The following G3BP2 variants were observed in gnomAD, a reference collection of about 807,000 sequenced individuals.
G3BP2 encodes the protein ras GTPase-activating protein-binding protein 2.
A neutral mutation model predicts 56.7 loss-of-function variants in G3BP2; 11 were observed. The observed-to-expected ratio is 0.19, with a 90% CI of 0.12 to 0.32. The LOEUF (loss-of-function observed/expected upper bound fraction) is 0.32. G3BP2 is among the 10% of genes least tolerant of loss of function. The pLI is 1.00. For missense variants in G3BP2, 340 were observed against 610.9 expected, an observed-to-expected ratio of 0.56 and a Z score of 4.67; for synonymous variants, 165 against 191.6, an observed-to-expected ratio of 0.86 and a Z score of 1.15.
Position 75,645,402 on chromosome 4 carries a change from C to A in G3BP2, c.*28G>T. On this transcript the variant is annotated 3_prime_UTR_variant, in exon 12 of 12. Coordinates refer to ENST00000359707, the MANE Select transcript of G3BP2 (RefSeq NM_203505.3). ...TGCAAACACGATGAATAATGTACCACTGCCAAGACTTTGCCAACAGTGGAG... is the reference window on the plus strand; with the variant it reads ...TGCAAACACGATGAATAATGTACCAATGCCAAGACTTTGCCAACAGTGGAG... 6.3e-7 allele frequency: 1 copy of A among 1,599,684 alleles called. No individual in the cohort carries two copies. Among genetic ancestry groups the A allele is most frequent in the Admixed American group, 1.7e-5 (1 of 57,706 alleles).
rs183185164 is a variant in G3BP2 at position 75,660,905 on chromosome 4, T to C, written c.95+1026A>G. Among the ~76,000 whole-genome samples the C allele has an allele frequency of 1.5e-3, 232 of 152,266 alleles. 3 individuals carry two copies. In the Middle Eastern group the frequency reaches 0.017, roughly 11 times the overall value. ...TATAAATCAATTTCACTTCAATCTC[T>C]GGAAAAAACAAGCCTACAGATGTCC... is the stretch of plus-strand genomic sequence containing the variant. On this transcript the variant is annotated intron_variant, in intron 2 of 11. Transcript: ENST00000359707.
At chr4:75,655,724 G>C in intron 6 of G3BP2, 44 bp downstream of exon 6, 1 of 987,268 alleles carries the variant, frequency 1.0e-6, no homozygotes, top group Non-Finnish European at 1.6e-6. Flanking sequence ...CCACCTTGCT[G>C]ACATAGTTCA....
chr4:75,723,240 C>G (rs1439947765), intron 1 of G3BP2, among the ~76,000 whole-genome samples: 2 of 152,084 alleles, frequency 1.3e-5, no homozygotes, highest in Admixed American at 6.6e-5. Context: ...TCATAACAGG[C>G]CTGTATGACA....
intron 1 of G3BP2, among the ~76,000 whole-genome samples, chr4:75,671,906 C>A (rs1733515652): frequency 6.6e-6 from 1 of 152,176 alleles, no homozygotes; most frequent in African/African-American, 2.4e-5. Context: ...GGTTCACATG[C>A]CTAAGGCTAT....
intron 3 of G3BP2, chr4:75,694,664 C>T: frequency 5.9e-6 from 3 of 505,214 alleles, no homozygotes; most frequent in Non-Finnish European, 7.7e-6. Flanking sequence ...CTTGAATCCG[C>T]GAGGCGGCGG....
intron 2 of G3BP2, among the ~76,000 whole-genome samples, chr4:75,659,285 GT>G (rs997717862): frequency 1.3e-5 from 2 of 152,064 alleles, no homozygotes; most frequent in African/African-American, 4.8e-5. Context: ...AATTGACCCT[GT>G]TTTTTTCTTC....
chr4:75,703,313 A>C (rs1245989706), intron 3 of G3BP2, among the ~76,000 whole-genome samples: 3 of 152,198 alleles, frequency 2.0e-5, no homozygotes, highest in Non-Finnish European at 2.9e-5. Flanking sequence ...TGAGAACCAG[A>C]CAGCACTCCA....
intron 3 of G3BP2, among the ~76,000 whole-genome samples, chr4:75,720,453 G>C (rs1265999039): frequency 6.7e-6 from 1 of 149,366 alleles, no homozygotes; most frequent in East Asian, 2.0e-4. Flanking sequence ...AGTGAGCTGA[G>C]ATCGCGTCAC....
intron 3 of G3BP2, among the ~76,000 whole-genome samples, chr4:75,701,964 T>C (rs909150645): frequency 1.2e-4 from 18 of 152,134 alleles, no homozygotes; most frequent in Admixed American, 1.2e-3. Flanking sequence ...CCCAGTATAA[T>C]TCAATTGTTA....
rs1263018332 is a variant in G3BP2, at chr4:75,644,511, C to T, written c.*919G>A. ...ATACTGTACAAAATTACCAGCAAGA[C>T]TGGAATGATGTATTAATAGAAGGCA... On this transcript the variant is annotated 3_prime_UTR_variant, in exon 12 of 12. Coordinates refer to ENST00000359707, the MANE Select transcript of G3BP2 (RefSeq NM_203505.3). The T allele has an allele frequency of 6.6e-6, 1 of 152,564 alleles. No individual in the cohort carries two copies. The highest frequency in any genetic ancestry group is 1.5e-5 in the Non-Finnish European group (1 of 68,032). The allele number at this position is 152,564 out of a possible 1,614,324, so 9.5% of individuals were successfully genotyped here. A position where few individuals can be genotyped will look rare whatever the true frequency, so the allele number is the denominator to read the frequency against.
At chr4:75,712,243 A>T (rs1395152092) in intron 3 of G3BP2, among the ~76,000 whole-genome samples, 1 of 152,044 alleles carries the variant, frequency 6.6e-6, no homozygotes, top group Non-Finnish European at 1.5e-5. Context: ...ATCTTACTAC[A>T]TTTCCTTCTA....
At chr4:75,723,102 T>C (rs528224651) in intron 1 of G3BP2, among the ~76,000 whole-genome samples, 1 of 152,264 alleles carries the variant, frequency 6.6e-6, no homozygotes, top group East Asian at 1.9e-4. Flanking sequence ...ATGTCAGAGT[T>C]GAGCCTTAAG....
Position 75,672,890 on chromosome 4 carries a change from T to C in G3BP2, c.-25+318A>G, listed in dbSNP as rs549691353. 8.6e-5 allele frequency: 43 copies of C among 502,504 alleles called. No homozygotes were observed. In the East Asian group the frequency reaches 5.6e-3, roughly 65 times the overall value. The allele number at this position is 502,504 out of a possible 1,614,324, so 31.1% of individuals were successfully genotyped here. On this transcript the variant is annotated intron_variant, in intron 1 of 11. Transcript: ENST00000359707. ...CCATCAGCGCGCCTTCGGGAGCTGC[T>C]GCGTGCCTCCCCCCCCACTTCGCCA...
chr4:75,664,742 G>A (rs1732861266), intron 1 of G3BP2, among the ~76,000 whole-genome samples: 1 of 152,018 alleles, frequency 6.6e-6, no homozygotes, highest in Admixed American at 6.6e-5. Context: ...CAGCTACTCA[G>A]GAGACTGAGG....
intron 1 of G3BP2, among the ~76,000 whole-genome samples, chr4:75,665,656 AACACACACAC>A (rs368331407): frequency 2.6e-4 from 19 of 73,140 alleles, no homozygotes; most frequent in African/African-American, 5.8e-4. Context: ...CACACAAACA[AACACACACAC>A]ACACACACAC....
At position 75,688,886 on chromosome 4, in the gene G3BP2, C is replaced by A. The variant is rs1054234021; in HGVS notation, c.-24-26837G>T. On this transcript the variant is annotated intron_variant, in intron 3 of 3. Coordinates refer to the G3BP2 transcript ENST00000499709. ...GTACTTCAAAAGCATGACAATCAAT[C>A]CATGACTGCTGATATAAATAATTCA... Among the ~76,000 whole-genome samples, 4 of 152,322 alleles carry A rather than the reference C, an allele frequency of 2.6e-5. No homozygotes were observed. In the South Asian group the frequency reaches 8.3e-4, roughly 32 times the overall value.
intron 4 of G3BP2, 49 bp downstream of exon 4, chr4:75,657,508 A>G: frequency 7.1e-7 from 1 of 1,404,254 alleles, no homozygotes; most frequent in African/African-American, 1.4e-5. Flanking sequence ...GGACACTTCA[A>G]CCAACTAGCA....
intron 1 of G3BP2, 40 bp downstream of exon 1, chr4:75,673,168 G>A: frequency 8.5e-7 from 1 of 1,170,122 alleles, no homozygotes; most frequent in Non-Finnish European, 1.1e-6. Context: ...GTCCCTTTCC[G>A]ACCACCACAC....
At chr4:75,673,589 G>A, upstream of G3BP2, 2 of 1,231,886 alleles carry the variant, frequency 1.6e-6, no homozygotes, top group Non-Finnish European at 2.0e-6. Context: ...CTCGCGCCCG[G>A]AAAGCCGGGG....
Sources: gnomAD v4.1 joint callset for allele counts (sites outside exome capture counted in the v4.1 genomes callset) on GRCh38, gnomAD v4.1.1 for gene constraint, MANE v1.5 for transcripts, NCBI Gene and HGNC (gene_info 2026-07-23, HGNC 2026-07-21) for gene names.